PPP1R3A: variants seen among roughly 807,000 people sequenced by gnomAD.
PPP1R3A encodes the protein protein phosphatase 1 regulatory subunit 3A, also known as RG1.
A neutral mutation model predicts 41.7 loss-of-function variants in PPP1R3A; 29 were observed. The observed-to-expected ratio is 0.70, with a 90% confidence interval of 0.52 to 0.95. PPP1R3A has a LOEUF of 0.95. PPP1R3A is among the 40% of genes least tolerant of loss of function. The pLI, the probability that PPP1R3A is intolerant of heterozygous loss-of-function variation, is 0.00. For missense variants in PPP1R3A, 1,352 were observed against 1,292.4 expected, an observed-to-expected ratio of 1.05 and a Z score of -0.71; for synonymous variants, 485 against 453.4, an observed-to-expected ratio of 1.07 and a Z score of -0.89.
chr7:113,893,938 A>AT (rs1233559109), intron 1 of PPP1R3A, among the ~76,000 whole-genome samples: 8 of 151,972 alleles, frequency 5.3e-5, no homozygotes, highest in Admixed American at 1.3e-4. Flanking sequence ...AAGTTTCTTC[A>AT]TTTTTTTAAC....
chr7:113,897,223 G>A (rs1195371527), intron 1 of PPP1R3A, among the ~76,000 whole-genome samples: 1 of 151,744 alleles, frequency 6.6e-6, no homozygotes. Flanking sequence ...TGGGTCTACA[G>A]AAGTCTATAT....
chr7:113,917,909 T>C (rs1264428676), intron 1 of PPP1R3A, among the ~76,000 whole-genome samples: 1 of 152,124 alleles, frequency 6.6e-6, no homozygotes, highest in African/African-American at 2.4e-5. Context: ...TAATTTTATA[T>C]GTGAATAATC....
intron 1 of PPP1R3A, among the ~76,000 whole-genome samples, chr7:113,902,003 G>C (rs1584416952): frequency 6.6e-6 from 1 of 151,794 alleles, no homozygotes; most frequent in East Asian, 1.9e-4. Flanking sequence ...ATAACTTTTA[G>C]AAAACAAGAA....
intron 1 of PPP1R3A, among the ~76,000 whole-genome samples, chr7:113,890,346 G>A (rs1022920424): frequency 6.6e-6 from 1 of 151,998 alleles, no homozygotes; most frequent in African/African-American, 2.4e-5. Flanking sequence ...ATTTTTAACT[G>A]GAACCTCAGA....
Position 113,877,795 on chromosome 7 carries a change from T to A in PPP1R3A, c.3297A>T (p.Thr1099=). The change falls in exon 4 of 4, where the codon ACA becomes ACT. Residue 1099 remains threonine (T), a synonymous_variant. Coordinates refer to ENST00000284601, the MANE Select transcript of PPP1R3A (RefSeq NM_002711.4). The part of the protein sequence containing the change: ...VYHYDLMIGL[T]FYVLSLSWLS... ...GCCAGGACAATGACAAAACGTAGAA[T>A]GTCAAGCCAATCATTAAGTCATAAT... 2.5e-6 allele frequency: 4 copies of A among 1,606,470 alleles called. No homozygotes were observed. Among genetic ancestry groups the A allele is most frequent in the Non-Finnish European group, 3.4e-6 (4 of 1,175,108 alleles).
At chr7:113,881,242 T>C (rs1055883342) in intron 3 of PPP1R3A, among the ~76,000 whole-genome samples, 1 of 152,040 alleles carries the variant, frequency 6.6e-6, no homozygotes, top group Non-Finnish European at 1.5e-5. Context: ...ATAGATGAGC[T>C]CTATTTCTTT....
At chr7:113,896,859 GA>G (rs1796984894) in intron 1 of PPP1R3A, among the ~76,000 whole-genome samples, 1 of 142,336 alleles carries the variant, frequency 7.0e-6, no homozygotes, top group Admixed American at 7.1e-5. Context: ...ATTCCCTTTT[GA>G]AAAAATATGA....
chr7:113,887,125 T>C (rs903091124), intron 1 of PPP1R3A, among the ~76,000 whole-genome samples: 3 of 152,082 alleles, frequency 2.0e-5, no homozygotes, highest in African/African-American at 7.2e-5. Flanking sequence ...TAATCTAATA[T>C]TTTAAAATAT....
chr7:113,880,317 C>T (rs768075823), intron 3 of PPP1R3A, among the ~76,000 whole-genome samples, 192 bp from the exon 4 acceptor site: 3 of 151,884 alleles, frequency 2.0e-5, no homozygotes, highest in South Asian at 2.1e-4. Flanking sequence ...GACTGGGGAA[C>T]GAGATTAGTA....
At chr7:113,909,691 T>A (rs942341334) in intron 1 of PPP1R3A, among the ~76,000 whole-genome samples, 1 of 152,088 alleles carries the variant, frequency 6.6e-6, no homozygotes, top group Non-Finnish European at 1.5e-5. Context: ...ACAAAGTTAT[T>A]GAGGTTATTT....
rs1797376949 is a variant in PPP1R3A at position 113,918,411 on chromosome 7, G to A, written c.586C>T (p.Pro196Ser). Reference sequence around the variant, plus strand: ...TTACTGCCATCTTTTTGATAAGGAGGAACCAATACAATCTTAAAGGAGAAC... The same window carrying A: ...TTACTGCCATCTTTTTGATAAGGAGAAACCAATACAATCTTAAAGGAGAAC... ...DQFSFKIVLV[P>S]PYQKDGSKVE... Residue 196 changes from proline (P) to serine (S), a missense_variant, in exon 1 of 4, where the codon CCT becomes TCT. Transcript: ENST00000284601. 1 of 1,613,258 alleles carries A rather than the reference G, an allele frequency of 6.2e-7. No homozygotes were observed. The highest frequency in any genetic ancestry group is 8.5e-7 in the Non-Finnish European group (1 of 1,179,600).
intron 1 of PPP1R3A, among the ~76,000 whole-genome samples, chr7:113,914,623 T>A (rs1270815391): frequency 6.6e-6 from 1 of 152,106 alleles, no homozygotes; most frequent in African/African-American, 2.4e-5. Flanking sequence ...GCCTTGCAGT[T>A]TTTCAGATAC....
rs1797096584 is a variant in PPP1R3A at position 113,903,352 on chromosome 7, CCT to C, written c.782+14861_782+14862del. ...ATCTGCTTATTTATATAAAAAATGACCTATAGAAGAATTGAGTACTTAATATT... is the reference window on the plus strand; with the variant it reads ...ATCTGCTTATTTATATAAAAAATGACATAGAAGAATTGAGTACTTAATATT... On this transcript the variant is annotated intron_variant, in intron 1 of 3. Transcript: ENST00000284601. Among the ~76,000 whole-genome samples the C allele has an allele frequency of 3.3e-5, 5 of 151,586 alleles. 1 individual carries two copies. The South Asian group carries it at 1.0e-3, about 32-fold the overall frequency.
At chr7:113,898,388 G>C (rs1232612587) in intron 1 of PPP1R3A, among the ~76,000 whole-genome samples, 3 of 151,750 alleles carry the variant, frequency 2.0e-5, no homozygotes, top group Admixed American at 6.6e-5. Flanking sequence ...TTTGAGTCCT[G>C]AGGGCTTAGT....
intron 1 of PPP1R3A, among the ~76,000 whole-genome samples, chr7:113,915,762 T>G (rs982284549): frequency 6.6e-6 from 1 of 151,788 alleles, no homozygotes; most frequent in Non-Finnish European, 1.5e-5. Flanking sequence ...TTAGTAGCTA[T>G]AATTTTTGAT....
At chr7:113,885,384 T>C (rs1178743115) in intron 1 of PPP1R3A, among the ~76,000 whole-genome samples, 2 of 152,096 alleles carry the variant, frequency 1.3e-5, no homozygotes, top group African/African-American at 4.8e-5. Flanking sequence ...GGAGAATAAA[T>C]AGGTAAAAAC....
chr7:113,914,221 T>C (rs1428591641), intron 1 of PPP1R3A, among the ~76,000 whole-genome samples: 3 of 152,118 alleles, frequency 2.0e-5, no homozygotes, highest in Non-Finnish European at 2.9e-5. Context: ...TTAATCAATG[T>C]GACACTAGAC....
At chr7:113,915,147 A>G (rs1797317429) in intron 1 of PPP1R3A, among the ~76,000 whole-genome samples, 1 of 152,022 alleles carries the variant, frequency 6.6e-6, no homozygotes, top group African/African-American at 2.4e-5. Context: ...TTCTCTCTAC[A>G]TATTTCTTTC....
chr7:113,877,789 G>A lies in PPP1R3A; in HGVS notation c.3303C>T (p.Tyr1101=), dbSNP rs756550984. 12 of 1,604,324 alleles carry A rather than the reference G, an allele frequency of 7.5e-6. No individual in the cohort carries two copies. Among genetic ancestry groups the A allele is most frequent in the South Asian group, 6.7e-5 (6 of 89,958 alleles). Residue 1101 remains tyrosine (Y), a synonymous_variant, in exon 4 of 4, where the codon TAC becomes TAT. Transcript: ENST00000284601. The part of the protein sequence containing the change: ...HYDLMIGLTF[Y]VLSLSWLSWE... Reference sequence around the variant, plus strand: ...AGGATAGCCAGGACAATGACAAAACGTAGAATGTCAAGCCAATCATTAAGT... The same window carrying A: ...AGGATAGCCAGGACAATGACAAAACATAGAATGTCAAGCCAATCATTAAGT...
Sources: gnomAD v4.1 joint callset for allele counts (sites outside exome capture counted in the v4.1 genomes callset) on GRCh38, gnomAD v4.1.1 for gene constraint, MANE v1.5 for transcripts, NCBI Gene and HGNC (gene_info 2026-07-23, HGNC 2026-07-21) for gene names.